TBC1D1: variants seen among roughly 807,000 people sequenced by gnomAD.
TBC1D1 encodes TBC1 (tre-2/USP6, BUB2, cdc16) domain family, member 1.
In TBC1D1, 89 loss-of-function variants were observed where a neutral mutation model predicts 125.6. The ratio of observed to expected loss-of-function variants is 0.71; its 90% confidence interval spans 0.60 to 0.85. TBC1D1 has a LOEUF of 0.85. TBC1D1 is among the 40% of genes least tolerant of loss of function. The pLI, the probability that TBC1D1 is intolerant of heterozygous loss-of-function variation, is 0.00. For synonymous variants in TBC1D1, 565 were observed against 564.1 expected, an observed-to-expected ratio of 1.00 and a Z score of -0.02; for missense variants, 1,377 against 1,469.2, an observed-to-expected ratio of 0.94 and a Z score of 1.03.
intron 2 of TBC1D1, among the ~76,000 whole-genome samples, chr4:37,903,091 T>C (rs1716440940): frequency 6.6e-6 from 1 of 152,224 alleles, no homozygotes; most frequent in African/African-American, 2.4e-5. Context: ...CAAAGGTCAT[T>C]GATAAGAACG....
chr4:38,125,244 T>C (rs1480691454), intron 18 of TBC1D1, 113 bp downstream of exon 20: 1 of 990,632 alleles, frequency 1.0e-6, no homozygotes, highest in East Asian at 2.5e-5. Context: ...AACGGCATTC[T>C]GCATGATGCC....
Position 38,014,479 on chromosome 4 carries a change from T to A in TBC1D1, c.418-30T>A, listed in dbSNP as rs772278750. 2.7e-5 allele frequency: 43 copies of A among 1,601,294 alleles called. No individual in the cohort carries two copies. The highest frequency in any genetic ancestry group is 3.6e-5 in the Non-Finnish European group (42 of 1,170,826). The stretch of plus-strand genomic sequence containing the variant: ...CGTGAGTGCCAGCCACACTGCATGT[T>A]CCAAATAACACGCCTCTCTCTCTCC... On this transcript the variant is annotated intron_variant, in intron 2 of 19. Transcript: ENST00000261439. This position sits in a 1 kb window ranked among gnomAD's most constrained non-coding sequence, Gnocchi z 5.1.
chr4:37,964,971 G>C (rs1730795874), intron 2 of TBC1D1, among the ~76,000 whole-genome samples: 1 of 152,222 alleles, frequency 6.6e-6, no homozygotes, highest in Non-Finnish European at 1.5e-5. Flanking sequence ...TGAAATCTTA[G>C]AGCATGAAGC....
At position 38,101,401 on chromosome 4, in the gene TBC1D1, T is replaced by G. The variant is rs1316846809; in HGVS notation, c.2399-1598T>G. On this transcript the variant is annotated intron_variant, in intron 14 of 19. Coordinates refer to ENST00000261439, the MANE Select transcript of TBC1D1 (RefSeq NM_015173.4). The stretch of plus-strand genomic sequence containing the variant: ...TCCACCTTTTTGGCCTTGTAATAGC[T>G]GAGTAATGAGCTAAAGAATTTTGGT... Among the ~76,000 whole-genome samples, 5 of 152,340 alleles carry G rather than the reference T, an allele frequency of 3.3e-5. No individual in the cohort carries two copies. The East Asian group carries it at 9.6e-4, about 29-fold the overall frequency.
At chr4:38,052,195 G>GTGTGTGTGCT in intron 11 of TBC1D1, 135 bp downstream of exon 12, 2 of 661,036 alleles carry the variant, frequency 3.0e-6, no homozygotes, top group Non-Finnish European at 4.8e-6. Flanking sequence ...GTGTGTGTGT[G>GTGTGTGTGCT]CGCGCGCGTG....
intron 12 of TBC1D1, among the ~76,000 whole-genome samples, chr4:38,087,300 C>G (rs559675306): frequency 1.3e-5 from 2 of 152,192 alleles, no homozygotes; most frequent in African/African-American, 2.4e-5. Flanking sequence ...CTTCTATAGA[C>G]AGTGGTCCTT....
chr4:38,032,924 T>G (rs1746456576), intron 7 of TBC1D1, among the ~76,000 whole-genome samples: 1 of 151,824 alleles, frequency 6.6e-6, no homozygotes, highest in Admixed American at 6.6e-5. Flanking sequence ...TTTAGGGAGG[T>G]GACACCTCAC....
rs549798360 is a variant in TBC1D1, at chr4:37,959,153, G to A, written c.418-55356G>A. Among the ~76,000 whole-genome samples the A allele has an allele frequency of 2.0e-3, 301 of 152,216 alleles. 2 individuals are homozygous for A. The highest frequency in any genetic ancestry group is 6.8e-3 in the African/African-American group (282 of 41,516). On this transcript the variant is annotated intron_variant, in intron 2 of 19. Coordinates refer to ENST00000261439, the MANE Select transcript of TBC1D1 (RefSeq NM_015173.4). ...AAATAAACAGGCACAGTTGACCCTT[G>A]AACAATGTGAGGGTTAGGGGCGCCA...
intron 13 of TBC1D1, among the ~76,000 whole-genome samples, chr4:38,095,526 AGT>A: frequency 6.6e-6 from 1 of 152,196 alleles, no homozygotes; most frequent in East Asian, 1.9e-4. Context: ...CGATCTTTGG[AGT>A]GCCTCTCCTA....
At position 37,913,390 on chromosome 4, in the gene TBC1D1, G is replaced by A. The variant is rs182971276; in HGVS notation, c.417+10878G>A. ...TAGGTGAGTGGATCACCTGAGGTCG[G>A]GAGTTCAAGACAAGTCTGACCAACA... is the stretch of plus-strand genomic sequence containing the variant. On this transcript the variant is annotated intron_variant, in intron 2 of 19. Coordinates refer to ENST00000261439, the MANE Select transcript of TBC1D1 (RefSeq NM_015173.4). Among the ~76,000 whole-genome samples the A allele has an allele frequency of 4.6e-5, 7 of 152,118 alleles. No individual in the cohort carries two copies. The East Asian group carries it at 1.4e-3, about 29-fold the overall frequency.
chr4:38,032,914 T>A (rs956823661), intron 7 of TBC1D1, among the ~76,000 whole-genome samples: 42 of 152,130 alleles, frequency 2.8e-4, no homozygotes, highest in African/African-American at 1.0e-3. Context: ...CATGGGAGAT[T>A]TTAGGGAGGT....
chr4:37,916,889 G>A (rs748016767), intron 2 of TBC1D1, among the ~76,000 whole-genome samples: 2 of 151,942 alleles, frequency 1.3e-5, no homozygotes, highest in Non-Finnish European at 2.9e-5. Flanking sequence ...TCCAGCCTCC[G>A]CCTCTTGAGT....
chr4:37,909,166 T>C (rs540798300), intron 2 of TBC1D1, among the ~76,000 whole-genome samples: 69 of 152,312 alleles, frequency 4.5e-4, no homozygotes, highest in African/African-American at 1.7e-3. Context: ...CCTTTCCCAG[T>C]AACGGCATAG....
At chr4:38,046,589 T>C (rs1749527891) in intron 10 of TBC1D1, among the ~76,000 whole-genome samples, 1 of 152,122 alleles carries the variant, frequency 6.6e-6, no homozygotes, top group African/African-American at 2.4e-5. Context: ...ACCCAAATAG[T>C]GAACATTGTA....
At chr4:37,996,043 A>G (rs965557248) in intron 2 of TBC1D1, 15 of 514,620 alleles carry the variant, frequency 2.9e-5, no homozygotes, top group Non-Finnish European at 1.2e-5. Flanking sequence ...GAGGTCAGGC[A>G]GCTACAATGA....
intron 4 of TBC1D1, among the ~76,000 whole-genome samples, chr4:38,020,332 GC>G (rs1348041667): frequency 6.6e-6 from 1 of 152,042 alleles, no homozygotes; most frequent in African/African-American, 2.4e-5. Flanking sequence ...ACAAAAATTA[GC>G]CGGGTGTGGT....
intron 2 of TBC1D1, among the ~76,000 whole-genome samples, chr4:37,954,523 C>CA (rs1728524865): frequency 6.6e-6 from 1 of 152,124 alleles, no homozygotes; most frequent in African/African-American, 2.4e-5. Flanking sequence ...ATGGGAGAAT[C>CA]ATTATTAGGT....
intron 2 of TBC1D1, among the ~76,000 whole-genome samples, chr4:37,946,958 C>T (rs1482352461): frequency 6.6e-6 from 1 of 152,114 alleles, no homozygotes; most frequent in African/African-American, 2.4e-5. Flanking sequence ...AATCTAGAAG[C>T]TGAAAACAGC....
In TBC1D1 at chr4:38,039,104, C is replaced by CTTTTTTTTTTTTTTTTT. The variant is rs776941680; in HGVS notation, c.1413+3421_1413+3437dup. ...AATTTCTTATAAATGGCATCATACTCTTTTTTTTTTTTTTTTTTTTTTTTT... is the reference window on the plus strand; with the variant it reads ...AATTTCTTATAAATGGCATCATACTCTTTTTTTTTTTTTTTTTTTTTTTTTTTTTTTTTTTTTTTTTT... On this transcript the variant is annotated intron_variant, in intron 8 of 19. Transcript: ENST00000261439. 2.5e-4 allele frequency among the ~76,000 whole-genome samples: 13 copies of CTTTTTTTTTTTTTTTTT among 51,584 alleles called. 4 individuals are homozygous for CTTTTTTTTTTTTTTTTT. Among genetic ancestry groups the CTTTTTTTTTTTTTTTTT allele is most frequent in the Admixed American group, 6.8e-4 (2 of 2,962 alleles). The allele number at this position is 51,584 out of a possible 152,430, so 33.8% of individuals were successfully genotyped here. A position where few individuals can be genotyped will look rare whatever the true frequency, so the allele number is the denominator to read the frequency against.
Sources: allele counts gnomAD v4.1 joint callset (sites outside exome capture counted in the v4.1 genomes callset), GRCh38; gene constraint gnomAD v4.1.1; non-coding constraint Gnocchi (gnomAD v3.1); transcripts MANE v1.5; gene names NCBI Gene and HGNC (gene_info 2026-07-23, HGNC 2026-07-21).